The following PIH1D1 variants were observed in gnomAD, a reference collection of about 807,000 sequenced individuals.
PIH1D1 encodes PIH1 domain-containing protein 1.
A neutral mutation model predicts 38.5 loss-of-function variants in PIH1D1; 28 were observed. The ratio of observed to expected loss-of-function variants is 0.73; its 90% CI spans 0.54 to 1.00. The LOEUF is 1.00. PIH1D1 is among the 50% of genes least tolerant of loss of function. The pLI is 0.00. For synonymous variants in PIH1D1, 155 were observed against 153.5 expected (o/e 1.01, Z -0.07); for missense variants, 343 against 369.9 (o/e 0.93, Z 0.60).
At position 49,451,025 on chromosome 19, in the gene PIH1D1, CTTTTTTTTTTTT is replaced by C. The variant is rs10616213; in HGVS notation, c.91-189_91-178del. 1.8e-5 allele frequency: 10 copies of C among 548,750 alleles called. No homozygotes were observed. In the East Asian group the frequency reaches 5.6e-4, roughly 31 times the overall value. The allele number at this position is 548,750 out of a possible 1,614,324, so 34.0% of individuals were successfully genotyped here. ...AACAACCCCAACCCCATTCCCATTTCTTTTTTTTTTTTTTTTTTTTTGGAGACGGAGTCTCAC... is the reference window on the plus strand; with the variant it reads ...AACAACCCCAACCCCATTCCCATTTCTTTTTTTTTGGAGACGGAGTCTCAC... On this transcript the variant is annotated intron_variant, in intron 1 of 8. Coordinates refer to ENST00000262265, the MANE Select transcript of PIH1D1 (RefSeq NM_017916.3).
intron 2 of PIH1D1, 91 bp downstream of exon 2, chr19:49,450,691 C>CCCA: frequency 1.4e-6 from 1 of 718,202 alleles, no homozygotes; most frequent in Non-Finnish European, 2.2e-6. Flanking sequence ...CACCCCCACC[C>CCCA]TAGGCCTTTA....
At position 49,451,737 on chromosome 19, in the gene PIH1D1, C is replaced by A; in HGVS notation, c.-163G>T. ...CTAAGACTACATTTCCATTCAAGAC[C>A]GAACACCATCGTCAAATCCGTGGGG... On this transcript the variant is annotated 5_prime_UTR_variant, in exon 1 of 9. Coordinates refer to ENST00000262265, the MANE Select transcript of PIH1D1 (RefSeq NM_017916.3). 1 of 1,423,532 alleles carries A rather than the reference C, an allele frequency of 7.0e-7. No individual in the cohort carries two copies. The highest frequency in any genetic ancestry group is 9.2e-7 in the Non-Finnish European group (1 of 1,088,952). 88.2% of individuals were successfully genotyped at this position (1,423,532 alleles called of 1,614,324 possible). A position where few individuals can be genotyped will look rare whatever the true frequency, so the allele number is the denominator to read the frequency against.
At chr19:49,448,198 C>A in intron 3 of PIH1D1, 136 bp from the exon 4 acceptor site, 1 of 840,040 alleles carries the variant, frequency 1.2e-6, no homozygotes. Flanking sequence ...GAGAGCTGGG[C>A]ACTCACTTTC....
chr19:49,447,692 C>T, intron 5 of PIH1D1, 135 bp downstream of exon 5: 2 of 1,017,796 alleles, frequency 2.0e-6, no homozygotes, highest in Admixed American at 3.7e-5. Context: ...CCCCTCAGGG[C>T]GTCCAGACTC....
chr19:49,447,729 A>T, intron 5 of PIH1D1, 98 bp downstream of exon 5: 1 of 1,281,890 alleles, frequency 7.8e-7, no homozygotes, highest in Non-Finnish European at 1.1e-6. Flanking sequence ...CACAGACTCC[A>T]GGGCACCCTG....
At position 49,447,403 on chromosome 19, in the gene PIH1D1, C is replaced by T; in HGVS notation, c.546G>A (p.Glu182=). ...CCAGCTCCTGGATCCGAGGACGCTG[C>T]TCCGAGCGGATGTTCTGCTGCGAGA... ...GSISQQNIRS[E]QRPRIQELGD... is the part of the protein sequence containing the mutation. The change falls in exon 6 of 9, where the codon GAG becomes GAA. Residue 182 remains glutamate, a synonymous_variant. Transcript: ENST00000262265. 6.2e-7 allele frequency: 1 copy of T among 1,613,454 alleles called. No homozygotes were observed. Among genetic ancestry groups the T allele is most frequent in the Non-Finnish European group, 8.5e-7 (1 of 1,179,994 alleles).
intron 2 of PIH1D1, 38 bp downstream of exon 2, chr19:49,450,743 TG>T: frequency 7.6e-7 from 1 of 1,310,262 alleles, no homozygotes; most frequent in Non-Finnish European, 1.0e-6. Context: ...GTCCTCTCCC[TG>T]GGTCTCCTGT....
chr19:49,446,818 A>C (rs1208636958), intron 7 of PIH1D1, 124 bp from the exon 8 acceptor site: 1 of 1,199,170 alleles, frequency 8.3e-7, no homozygotes, highest in Non-Finnish European at 1.2e-6. Flanking sequence ...AAGAGACAGA[A>C]GACAGCAATT....
chr19:49,451,597 C>G lies in PIH1D1; in HGVS notation c.-23G>C, dbSNP rs376367541. ...CATGGCCCTGGGAAAGAGATCTAGG[C>G]GTCCTCGAGACCCTCAACGTGGGAA... On this transcript the variant is annotated 5_prime_UTR_variant, in exon 1 of 9. Transcript: ENST00000262265. 1.9e-5 allele frequency: 30 copies of G among 1,610,956 alleles called. No homozygotes were observed. The highest frequency in any genetic ancestry group is 2.5e-5 in the Non-Finnish European group (29 of 1,179,646).
In PIH1D1 at chr19:49,451,802, C is replaced by T; in HGVS notation, c.-228G>A. On this transcript the variant is annotated 5_prime_UTR_variant, in exon 1 of 9. Transcript: ENST00000262265. ...GACGCACTACCCTCCGTCCTACGTG[C>T]CGAACTGTAAACGAAGCCACACTTC... 1.5e-6 allele frequency: 2 copies of T among 1,316,844 alleles called. No individual in the cohort carries two copies. The highest frequency in any genetic ancestry group is 2.0e-6 in the Non-Finnish European group (2 of 1,012,698). 81.6% of individuals were successfully genotyped at this position (1,316,844 alleles called of 1,614,324 possible).
rs34198213 is a variant in PIH1D1 at position 49,446,692 on chromosome 19, A to G, written c.690T>C (p.Asp230=). 13 of 1,552,358 alleles carry G rather than the reference A, an allele frequency of 8.4e-6. No homozygotes were observed. Among genetic ancestry groups the G allele is most frequent in the Non-Finnish European group, 3.5e-6 (4 of 1,151,372 alleles). Residue 230 remains aspartate, a splice_region_variant and synonymous_variant, in exon 8 of 9, where the codon GAT becomes GAC. Transcript: ENST00000262265. ...TCTCCAGCGACAGCCCCAGGGCTCC[A>G]TCCTGGAGAGGTGGCGGAATCAGGT... ...LLAEVDLPKL[D]GALGLSLEIG... is the part of the protein sequence containing the mutation.
chr19:49,447,064 G>A lies in PIH1D1; in HGVS notation c.647C>T (p.Ala216Val). Residue 216 changes from alanine (A) to valine (V), a missense_variant, in exon 7 of 9, where the codon GCC (alanine) becomes GTC (valine). Physicochemically the swap from Ala to Val is moderately conservative, Grantham distance 64 (BLOSUM62 0). Transcript: ENST00000262265. ...EKPHLNLWLE[A>V]PDLLLAEVDL... ...AACTTCGGCCAAGAGGAGGTCGGGG[G>A]CTTCCAGCCACAGGTTCAGGTGAGG... The A allele has an allele frequency of 6.2e-7, 1 of 1,613,582 alleles. No individual in the cohort carries two copies. Among genetic ancestry groups the A allele is most frequent in the Non-Finnish European group, 8.5e-7 (1 of 1,179,848 alleles).
intron 2 of PIH1D1, among the ~76,000 whole-genome samples, chr19:49,450,289 C>G (rs2079050620): frequency 6.6e-6 from 1 of 152,054 alleles, no homozygotes; most frequent in South Asian, 2.1e-4. Flanking sequence ...GATGAGGTCT[C>G]ACTATGTTGC....
intron 6 of PIH1D1, 46 bp from the exon 7 acceptor site, chr19:49,447,145 T>A: frequency 6.5e-7 from 1 of 1,543,102 alleles, no homozygotes; most frequent in Non-Finnish European, 8.9e-7. Context: ...GCCAGGTCTT[T>A]GCCTGGCGTG....
chr19:49,449,572 G>C lies in PIH1D1; in HGVS notation c.240C>G (p.Asp80Glu). 1.2e-6 allele frequency: 2 copies of C among 1,614,102 alleles called. No individual in the cohort carries two copies. Among genetic ancestry groups the C allele is most frequent in the Non-Finnish European group, 1.7e-6 (2 of 1,179,968 alleles). The change falls in exon 3 of 9, where the codon GAC (aspartate) becomes GAG (glutamate). Residue 80 changes from aspartate to glutamate, a missense_variant. Transcript: ENST00000262265. The stretch of plus-strand genomic sequence containing the variant: ...TCTGAAGCAGCTCCTCCTCGGTCAC[G>C]TCGGCGGGAGGAGGGATAGAGGGGG... ...CHSPSIPPPA[D>E]VTEEELLQML...
In PIH1D1 at chr19:49,447,022, A is replaced by G; in HGVS notation, c.687+2T>C. ...TGCTCTGGTCCAGCGCGCAAAACTC[A>G]CCAGTTTGGGGAGGTCAACTTCGGC... On this transcript the variant is annotated splice_donor_variant, in intron 7 of 8. Coordinates refer to ENST00000262265, the MANE Select transcript of PIH1D1 (RefSeq NM_017916.3). LOFTEE classifies it high-confidence loss of function. The G allele has an allele frequency of 6.2e-7, 1 of 1,610,790 alleles. No homozygotes were observed. Among genetic ancestry groups the G allele is most frequent in the Non-Finnish European group, 8.5e-7 (1 of 1,177,404 alleles).
intron 3 of PIH1D1, chr19:49,449,126 G>A (rs1444027924): frequency 2.7e-6 from 1 of 372,774 alleles, no homozygotes. Flanking sequence ...TGGGCAACAA[G>A]AGCGAAACTC....
intron 3 of PIH1D1, chr19:49,448,307 C>A (rs2079037498): frequency 3.7e-6 from 2 of 543,406 alleles, no homozygotes; most frequent in Non-Finnish European, 6.6e-6. Flanking sequence ...CTGCTCACAG[C>A]TCTTCTCTGG....
chr19:49,446,719 A>AC, intron 7 of PIH1D1, 25 bp from the exon 8 acceptor site: 1 of 1,532,640 alleles, frequency 6.5e-7, no homozygotes, highest in Non-Finnish European at 8.8e-7. Context: ...GAATCAGGTC[A>AC]CCCTCCCCAG....
Sources: gnomAD v4.1 joint callset for allele counts (sites outside exome capture counted in the v4.1 genomes callset) on GRCh38, gnomAD v4.1.1 for gene constraint, MANE v1.5 for transcripts, NCBI Gene and HGNC (gene_info 2026-07-23, HGNC 2026-07-21) for gene names.